Variants in XPA observed in about 807,000 individuals in gnomAD.
XPA encodes the protein XPA, DNA damage recognition and repair factor.
Under a neutral mutation model 35.7 loss-of-function variants are expected in XPA, and 27 were observed. The observed-to-expected ratio is 0.76, with a 90% confidence interval of 0.56 to 1.04. The LOEUF (loss-of-function observed/expected upper bound fraction) is 1.04, where lower values mean the gene tolerates loss of function less well. Among genes scored for constraint, XPA ranks in the 50% least tolerant of loss-of-function variants. The pLI is 0.00. For missense variants in XPA, 354 were observed against 342.7 expected (o/e 1.03, Z -0.26); for synonymous variants, 133 against 118.4 (o/e 1.12, Z -0.80).
the XPA span, chr9:97,654,770 C>A: frequency 4.2e-6 from 4 of 941,444 alleles, no homozygotes; most frequent in East Asian, 2.6e-5. Context: ...AAAAGATGTT[C>A]AGCATTATTA....
At position 97,675,305 on chromosome 9, in the gene XPA, T is replaced by G. The variant is rs1828318675; in HGVS notation, c.*134A>C. The G allele has an allele frequency of 2.0e-6, 2 of 1,008,802 alleles. No homozygotes were observed. The highest frequency in any genetic ancestry group is 1.6e-5 in the African/African-American group (1 of 60,978). The allele number at this position is 1,008,802 out of a possible 1,614,324, so 62.5% of individuals were successfully genotyped here. On this transcript the variant is annotated 3_prime_UTR_variant, in exon 6 of 6. Transcript: ENST00000375128. ...AAGCCATAACATACATAATTATTAC[T>G]GAAGTATTACTTATACAAGGGTTTC...
intron 5 of XPA, among the ~76,000 whole-genome samples, chr9:97,679,342 A>G (rs1043123266): frequency 6.6e-6 from 1 of 152,208 alleles, no homozygotes; most frequent in Non-Finnish European, 1.5e-5. Context: ...GAAAAAGGAT[A>G]TATGAGTGGC....
At chr9:97,675,777 A>G (rs1828346221) in intron 5 of XPA, 190 bp from the exon 6 acceptor site, 6 of 680,298 alleles carry the variant, frequency 8.8e-6, no homozygotes, top group Non-Finnish European at 1.5e-5. Context: ...TTACCTCACT[A>G]GTTCGGCCTG....
chr9:97,658,076 A>T, the XPA span, among the ~76,000 whole-genome samples: 1 of 151,816 alleles, frequency 6.6e-6, no homozygotes. Flanking sequence ...TAAAGTAGTA[A>T]TGGAATATGG....
chr9:97,692,864 A>G (rs28510447), intron 2 of XPA, among the ~76,000 whole-genome samples: 1 of 151,996 alleles, frequency 6.6e-6, no homozygotes, highest in African/African-American at 2.4e-5. Context: ...GCCACCCCCC[A>G]ACCCCACCCT....
chr9:97,687,784 C>T (rs1199552108), intron 3 of XPA, among the ~76,000 whole-genome samples: 1 of 152,148 alleles, frequency 6.6e-6, no homozygotes, highest in Non-Finnish European at 1.5e-5. Flanking sequence ...TGATGGTGGC[C>T]TAGACTAAGG....
intron 5 of XPA, among the ~76,000 whole-genome samples, chr9:97,681,417 A>G (rs1304053926): frequency 6.6e-6 from 1 of 152,102 alleles, no homozygotes; most frequent in Non-Finnish European, 1.5e-5. Flanking sequence ...TTGAGAGATG[A>G]CTCCAGAGTC....
chr9:97,675,134 GGTATCTTGTCCTCAAATTT>G lies in XPA; in HGVS notation c.*286_*304del. The G allele has an allele frequency of 1.8e-6, 1 of 560,514 alleles. No individual in the cohort carries two copies. The highest frequency in any genetic ancestry group is 3.4e-6 in the Non-Finnish European group (1 of 295,086). 34.7% of individuals were successfully genotyped at this position (560,514 alleles called of 1,614,324 possible). A position where few individuals can be genotyped will look rare whatever the true frequency, so the allele number is the denominator to read the frequency against. ...TCTACCCCAATCTAGGGTTTGCCTTGGTATCTTGTCCTCAAATTTGTAGCTGACCTACCACTTCTGCACC... is the reference window on the plus strand; with the variant it reads ...TCTACCCCAATCTAGGGTTTGCCTTGGTAGCTGACCTACCACTTCTGCACC... On this transcript the variant is annotated 3_prime_UTR_variant, in exon 6 of 6. Coordinates refer to ENST00000375128, the MANE Select transcript of XPA (RefSeq NM_000380.4).
chr9:97,673,387 T>C (rs1333717527), downstream of XPA: 1 of 152,236 alleles, frequency 6.6e-6, no homozygotes, highest in African/African-American at 2.4e-5. Context: ...AACTGCTTTG[T>C]AATCTTTTCA....
rs776656098 is a variant in XPA, at chr9:97,697,211, T to A, written c.82A>T (p.Ile28Phe). The A allele has an allele frequency of 4.4e-6, 7 of 1,601,242 alleles. No homozygotes were observed. The highest frequency in any genetic ancestry group is 5.9e-6 in the Non-Finnish European group (7 of 1,178,766). ...AGTGCCCGCTGCCGCTTCCGCTCGA[T>A]ACTCGCCCGCACCGAGGCAGGCAGC... is the stretch of plus-strand genomic sequence containing the variant. ...AELPASVRASIERKRQRALML... is the reference protein window; with the variant it reads ...AELPASVRASFERKRQRALML... The change falls in exon 1 of 6, where the codon ATC becomes TTC. Residue 28 changes from isoleucine to phenylalanine, a missense_variant. Ile to Phe is a conservative substitution (Grantham distance 21). Transcript: ENST00000375128.
the XPA span, chr9:97,658,590 A>G: frequency 7.1e-7 from 1 of 1,408,196 alleles, no homozygotes; most frequent in Non-Finnish European, 1.0e-6. Context: ...GTGTTACCGA[A>G]GAATGGGACT....
At chr9:97,695,167 T>C (rs374906546) in intron 1 of XPA, among the ~76,000 whole-genome samples, 6 of 152,354 alleles carry the variant, frequency 3.9e-5, no homozygotes, top group African/African-American at 1.4e-4. Flanking sequence ...TACACAAGCA[T>C]TCACATAGGT....
the XPA span, chr9:97,668,744 G>A: frequency 7.6e-7 from 1 of 1,312,798 alleles, no homozygotes. Flanking sequence ...TAGAATATAA[G>A]TCTTAACATT....
chr9:97,658,052 G>A, the XPA span, among the ~76,000 whole-genome samples: 1 of 151,196 alleles, frequency 6.6e-6, no homozygotes, highest in Non-Finnish European at 1.5e-5. Flanking sequence ...TATTCATGGA[G>A]CCCTAGTTTC....
chr9:97,671,189 T>A, downstream of XPA: 1 of 1,606,522 alleles, frequency 6.2e-7, no homozygotes, highest in Non-Finnish European at 8.5e-7. Context: ...TTCTGTGCCC[T>A]GCAGGCCTAA....
the XPA span, among the ~76,000 whole-genome samples, chr9:97,669,188 G>A: frequency 5.9e-3 from 899 of 152,044 alleles, 4 homozygotes; most frequent in Non-Finnish European, 8.0e-3. Context: ...ATTCTCGCAT[G>A]AGCATTTCTC....
the XPA span, among the ~76,000 whole-genome samples, chr9:97,664,134 G>A: frequency 7.8e-4 from 118 of 152,088 alleles, no homozygotes; most frequent in African/African-American, 2.5e-3. Context: ...AGCTGAGATC[G>A]TGCCACTCCA....
the XPA span, chr9:97,661,143 A>G: frequency 6.4e-7 from 1 of 1,569,968 alleles, no homozygotes; most frequent in Non-Finnish European, 8.6e-7. Context: ...CTCTGGCAAC[A>G]TGATGCTCTT....
At chr9:97,665,115 C>T in the XPA span, among the ~76,000 whole-genome samples, 15 of 152,210 alleles carry the variant, frequency 9.9e-5, no homozygotes, top group Non-Finnish European at 2.1e-4. Flanking sequence ...AAAAGTCCAT[C>T]ACAACCTTTA....
Sources: gnomAD v4.1 joint callset for allele counts (sites outside exome capture counted in the v4.1 genomes callset) on GRCh38, gnomAD v4.1.1 for gene constraint, MANE v1.5 for transcripts, NCBI Gene and HGNC (gene_info 2026-07-23, HGNC 2026-07-21) for gene names.